The following PIK3C2G variants were observed in gnomAD, a reference collection of about 807,000 sequenced individuals.
The protein encoded by PIK3C2G is phosphatidylinositol-4-phosphate 3-kinase catalytic subunit type 2 gamma, also known as phosphatidylinositol 3-kinase C2 domain-containing subunit gamma.
Under a neutral mutation model 181.1 loss-of-function variants are expected in PIK3C2G, and 168 were observed. The observed-to-expected ratio is 0.93, with a 90% CI of 0.82 to 1.05. The LOEUF (loss-of-function observed/expected upper bound fraction) is 1.05. Ranked by LOEUF, PIK3C2G falls within the 50% of genes least tolerant of loss-of-function variation. PIK3C2G has a pLI of 0.00. For missense variants in PIK3C2G, 1,869 were observed against 1,732.8 expected, an observed-to-expected ratio of 1.08 and a Z score of -1.40; for synonymous variants, 573 against 592.2, an observed-to-expected ratio of 0.97 and a Z score of 0.47.
rs1945424036 is a variant in PIK3C2G at position 18,562,873 on chromosome 12, T to C, written c.3761T>C (p.Phe1254Ser). 6.3e-7 allele frequency: 1 copy of C among 1,599,522 alleles called. No individual in the cohort carries two copies. Among genetic ancestry groups the C allele is most frequent in the African/African-American group, 1.3e-5 (1 of 74,792 alleles). The change falls in exon 27 of 33, where the codon TTC becomes TCC. Residue 1254 changes from phenylalanine (F) to serine (S), a missense_variant. Phe to Ser is a radical substitution (Grantham distance 155). Transcript: ENST00000538779. ...RSIERATILG[F>S]SKKSSNLYLI... ...ATTGAAAGAGCAACAATTTTAGGGT[T>C]CAGCAAGAAATCCAGTAATGTAAGT...
chr12:18,347,653 T>C (rs1162114387), intron 11 of PIK3C2G, among the ~76,000 whole-genome samples: 1 of 151,788 alleles, frequency 6.6e-6, no homozygotes, highest in East Asian at 1.9e-4. Context: ...CTACTAAAAA[T>C]ACAAAAAATT....
At chr12:18,363,741 T>C (rs1178605431) in intron 12 of PIK3C2G, among the ~76,000 whole-genome samples, 1 of 152,134 alleles carries the variant, frequency 6.6e-6, no homozygotes, top group African/African-American at 2.4e-5. Flanking sequence ...TAAATACGTG[T>C]CAGAATTTGT....
rs528621475 is a variant in PIK3C2G at position 18,338,414 on chromosome 12, T to C, written c.1273-12T>C. The C allele has an allele frequency of 1.5e-4, 227 of 1,529,304 alleles. 4 individuals are homozygous for C. In the South Asian group the frequency reaches 1.8e-3, roughly 12 times the overall value. 94.7% of individuals were successfully genotyped at this position (1,529,304 alleles called of 1,614,324 possible). A position where few individuals can be genotyped will look rare whatever the true frequency, so the allele number is the denominator to read the frequency against. On this transcript the variant is annotated splice_polypyrimidine_tract_variant and intron_variant, in intron 8 of 32. Transcript: ENST00000538779. ...TCAATAGATTGTAAGATGTGAATCT[T>C]GTTATCTACAGGAAAACGTGTATAA...
intron 24 of PIK3C2G, among the ~76,000 whole-genome samples, chr12:18,533,941 C>CTTTTTTTTTT (rs542327503): frequency 1.5e-4 from 14 of 91,486 alleles, no homozygotes; most frequent in African/African-American, 3.0e-4. Context: ...CCTGCTATTT[C>CTTTTTTTTTT]TTTTTTTTTT....
At chr12:18,380,480 G>T (rs1942763951) in intron 13 of PIK3C2G, among the ~76,000 whole-genome samples, 1 of 152,150 alleles carries the variant, frequency 6.6e-6, no homozygotes, top group South Asian at 2.1e-4. Context: ...GCCATTTGGG[G>T]TGAAGCTCCT....
chr12:18,660,999 G>A, the PIK3C2G span, among the ~76,000 whole-genome samples: 79,402 of 151,960 alleles, frequency 0.52, 21,795 homozygotes, highest in South Asian at 0.67. Flanking sequence ...TCTGGAACTG[G>A]AAAGTACAAC....
At chr12:18,313,512 A>G (rs1470248052) in intron 5 of PIK3C2G, among the ~76,000 whole-genome samples, 2 of 152,054 alleles carry the variant, frequency 1.3e-5, no homozygotes, top group Non-Finnish European at 2.9e-5. Flanking sequence ...CCACATCCCA[A>G]TGCTTTCTTG....
chr12:18,723,475 G>C, the PIK3C2G span: 4 of 1,612,840 alleles, frequency 2.5e-6, no homozygotes, highest in Non-Finnish European at 3.4e-6. Flanking sequence ...TTCTCTGTGC[G>C]TGATAATTCG....
rs202064696 is a variant in PIK3C2G at position 18,640,523 on chromosome 12, C to T, written c.4277C>T (p.Pro1426Leu). The change falls in exon 32 of 33, where the codon CCA becomes CTA. Residue 1426 changes from proline to leucine, a missense_variant. Transcript: ENST00000538779. ...CGTAGGAGGAAAACAAAATCTGTTC[C>T]AAAATGTACGGACCCCACTTACAAT... ...EVRRRKTKSV[P>L]KCTDPTYNEI... 3.2e-4 allele frequency: 519 copies of T among 1,602,546 alleles called. 1 individual carries two copies. The highest frequency in any genetic ancestry group is 4.9e-4 in the Middle Eastern group (3 of 6,068).
At chr12:18,675,039 T>C in the PIK3C2G span, among the ~76,000 whole-genome samples, 2 of 152,334 alleles carry the variant, frequency 1.3e-5, no homozygotes, top group African/African-American at 2.4e-5. Context: ...AGTCTGTAAC[T>C]ACCTTATTCA....
At chr12:18,264,191 T>C (rs1321029925) in intron 1 of PIK3C2G, among the ~76,000 whole-genome samples, 2 of 151,216 alleles carry the variant, frequency 1.3e-5, no homozygotes, top group Non-Finnish European at 3.0e-5. Context: ...ACTTTCTCAA[T>C]AGAAAATGTT....
intron 29 of PIK3C2G, among the ~76,000 whole-genome samples, chr12:18,582,968 G>A (rs1946580153): frequency 6.6e-6 from 1 of 152,002 alleles, no homozygotes; most frequent in East Asian, 1.9e-4. Flanking sequence ...TGCCATCTTT[G>A]CTCTTTCACA....
At chr12:18,502,718 A>G (rs992183182) in intron 22 of PIK3C2G, among the ~76,000 whole-genome samples, 1 of 152,118 alleles carries the variant, frequency 6.6e-6, no homozygotes, top group Non-Finnish European at 1.5e-5. Context: ...AAAAATTACT[A>G]TTGTAGTTTC....
rs1370770389 is a variant in PIK3C2G at position 18,303,126 on chromosome 12, CTTTCTTTCTTTCT to C, written c.1034+9119_1034+9131del. Among the ~76,000 whole-genome samples, 231 of 109,484 alleles carry C rather than the reference CTTTCTTTCTTTCT, an allele frequency of 2.1e-3. 1 individual carries two copies. The highest frequency in any genetic ancestry group is 7.0e-3 in the African/African-American group (215 of 30,852). 71.8% of individuals were successfully genotyped at this position (109,484 alleles called of 152,430 possible). ...TCTTTCTTTCTTTCCTTCTTTCTTTCTTTCTTTCTTTCTTTTCTTTTCTTTCTTCTTTCTCTTT... is the reference window on the plus strand; with the variant it reads ...TCTTTCTTTCTTTCCTTCTTTCTTTCTTTCTTTTCTTTCTTCTTTCTCTTT... On this transcript the variant is annotated intron_variant, in intron 5 of 32. Coordinates refer to ENST00000538779, the MANE Select transcript of PIK3C2G (RefSeq NM_001288772.2).
chr12:18,602,022 G>A (rs1303856189), intron 30 of PIK3C2G, among the ~76,000 whole-genome samples: 2 of 152,112 alleles, frequency 1.3e-5, no homozygotes, highest in East Asian at 1.9e-4. Flanking sequence ...ATTTGAATGG[G>A]GCTAGAAGCC....
chr12:18,467,055 T>C (rs1038639878), intron 18 of PIK3C2G, among the ~76,000 whole-genome samples: 2 of 152,066 alleles, frequency 1.3e-5, no homozygotes, highest in Non-Finnish European at 2.9e-5. Context: ...TACCATTTTT[T>C]AGAAGAATAA....
At chr12:18,598,468 C>A (rs2136520030) in intron 30 of PIK3C2G, among the ~76,000 whole-genome samples, 2 of 151,734 alleles carry the variant, frequency 1.3e-5, no homozygotes, top group East Asian at 3.9e-4. Flanking sequence ...GAAACTGGAA[C>A]CCTTCCTTAC....
At chr12:18,329,601 G>A (rs994336587) in intron 8 of PIK3C2G, among the ~76,000 whole-genome samples, 1 of 151,936 alleles carries the variant, frequency 6.6e-6, no homozygotes, top group Non-Finnish European at 1.5e-5. Flanking sequence ...CCATGTGGTT[G>A]TTATTAGTTC....
intron 6 of PIK3C2G, 34 bp from the exon 7 acceptor site, chr12:18,320,928 C>G (rs748298440): frequency 7.4e-6 from 9 of 1,209,804 alleles, no homozygotes; most frequent in South Asian, 2.6e-5. Flanking sequence ...TTCCTATTCA[C>G]TCAATAAATA....
Sources: allele counts gnomAD v4.1 joint callset (sites outside exome capture counted in the v4.1 genomes callset), GRCh38; gene constraint gnomAD v4.1.1; transcripts MANE v1.5; gene names NCBI Gene and HGNC (gene_info 2026-07-23, HGNC 2026-07-21).